The following PRH1 variants were observed in gnomAD, a reference collection of about 807,000 sequenced individuals.
PRH1 encodes salivary acidic proline-rich phosphoprotein 1/2.
PRH1 carries 7 observed loss-of-function variants against 7.9 expected under a neutral mutation model. The ratio of observed to expected loss-of-function variants is 0.89; its 90% CI spans 0.50 to 1.67. The LOEUF (loss-of-function observed/expected upper bound fraction) is 1.67. Ranked by LOEUF, PRH1 falls within the 40% of genes most tolerant of loss-of-function variation. PRH1 has a pLI of 0.00. For synonymous variants in PRH1, 45 were observed against 80.8 expected (o/e 0.56, Z 2.38); for missense variants, 109 against 223.6 (o/e 0.49, Z 3.27).
At chr12:11,043,196 C>T (rs193231594) in intron 1 of PRH1, among the ~76,000 whole-genome samples, 1 of 152,018 alleles carries the variant, frequency 6.6e-6, no homozygotes, top group Admixed American at 6.6e-5. Context: ...GGACAAGAAC[C>T]ATATGATCAT....
intron 2 of PRH1, among the ~76,000 whole-genome samples, chr12:10,933,529 C>T (rs569337495): frequency 1.3e-5 from 2 of 151,846 alleles, no homozygotes; most frequent in East Asian, 1.9e-4. Context: ...AGTTAAATGA[C>T]CAAGCAGACT....
intron 1 of PRH1, among the ~76,000 whole-genome samples, chr12:11,099,072 T>A (rs1348983028): frequency 6.6e-6 from 1 of 152,176 alleles, no homozygotes; most frequent in Non-Finnish European, 1.5e-5. Context: ...AGCCATTTTA[T>A]AAGAATTCCT....
rs189877773 is a variant in PRH1 at position 11,147,181 on chromosome 12, T to C, written n.39+24241A>G. 4.1e-3 allele frequency among the ~76,000 whole-genome samples: 622 copies of C among 152,332 alleles called. 5 individuals are homozygous for C. The highest frequency in any genetic ancestry group is 0.017 in the Middle Eastern group (5 of 294). ...ATAATACTCAGTTTATCTATGAACA[T>C]GATACATCTCTTCATGTATTGTTTT... On this transcript the variant is annotated intron_variant and non_coding_transcript_variant, in intron 1 of 1. Transcript: ENST00000541175.
In PRH1 at chr12:11,086,845, G is replaced by C. The variant is rs371766942; in HGVS notation, n.124-39657C>G. On this transcript the variant is annotated intron_variant and non_coding_transcript_variant, in intron 1 of 4. Coordinates refer to the PRH1 transcript ENST00000541977. Reference sequence around the variant, plus strand: ...AGAAAAATCATTGGAACCCAGGAGTGGGGGGTTGTAGTTAGTTGAGATCAT... The same window carrying C: ...AGAAAAATCATTGGAACCCAGGAGTCGGGGGTTGTAGTTAGTTGAGATCAT... 4.5e-5 allele frequency among the ~76,000 whole-genome samples: 5 copies of C among 111,172 alleles called. 1 individual carries two copies. Among genetic ancestry groups the C allele is most frequent in the Non-Finnish European group, 1.1e-4 (5 of 47,220 alleles). 72.9% of individuals were successfully genotyped at this position (111,172 alleles called of 152,430 possible). A position where few individuals can be genotyped will look rare whatever the true frequency, so the allele number is the denominator to read the frequency against.
rs1439365435 is a variant in PRH1 at position 11,107,062 on chromosome 12, T to G, written n.124-59874A>C. 4.6e-5 allele frequency among the ~76,000 whole-genome samples: 7 copies of G among 152,108 alleles called. No individual in the cohort carries two copies. In the South Asian group the frequency reaches 8.3e-4, roughly 18 times the overall value. On this transcript the variant is annotated intron_variant and non_coding_transcript_variant, in intron 1 of 4. Transcript: ENST00000541977. ...GTCTTACTCGTCACCCAGGCTGGAG[T>G]GCAATGGCTTGATCACAGCTCACTC...
chr12:11,138,648 G>A (rs1334991966), intron 1 of PRH1, among the ~76,000 whole-genome samples: 2 of 152,146 alleles, frequency 1.3e-5, no homozygotes, highest in South Asian at 4.1e-4. Context: ...AAGGTGTCTA[G>A]CAATCATAAA....
intron 2 of PRH1, among the ~76,000 whole-genome samples, chr12:10,893,229 C>T (rs1949600820): frequency 6.6e-6 from 1 of 152,126 alleles, no homozygotes; most frequent in Non-Finnish European, 1.5e-5. Flanking sequence ...CAGAGTGTGT[C>T]AGTTCAATTT....
intron 1 of PRH1, among the ~76,000 whole-genome samples, chr12:10,991,882 T>G (rs1939953221): frequency 6.6e-6 from 1 of 152,170 alleles, no homozygotes; most frequent in Non-Finnish European, 1.5e-5. Flanking sequence ...GCATGCAACA[T>G]GAAAACTAAC....
At chr12:10,919,377 A>C (rs1183197738) in intron 2 of PRH1, among the ~76,000 whole-genome samples, 4 of 152,184 alleles carry the variant, frequency 2.6e-5, no homozygotes, top group African/African-American at 9.6e-5. Context: ...AGGACATGAA[A>C]GGTGAGAGGA....
chr12:10,980,614 T>C (rs1439936659), intron 1 of PRH1, among the ~76,000 whole-genome samples: 1 of 152,134 alleles, frequency 6.6e-6, no homozygotes, highest in Non-Finnish European at 1.5e-5. Context: ...TATTCCTCTC[T>C]ATTGAACCAT....
chr12:11,133,124 C>CAG (rs1555171862), intron 1 of PRH1: 8 of 787,460 alleles, frequency 1.0e-5, no homozygotes, highest in Non-Finnish European at 1.4e-5. Flanking sequence ...TTTTCATACA[C>CAG]ACACACACAC....
intron 2 of PRH1, among the ~76,000 whole-genome samples, chr12:10,935,812 T>C (rs985396835): frequency 2.0e-5 from 3 of 152,170 alleles, no homozygotes; most frequent in African/African-American, 4.8e-5. Context: ...TAATGTTGTC[T>C]ATATGATCCT....
chr12:10,953,341 A>G (rs2135918142), intron 2 of PRH1, among the ~76,000 whole-genome samples: 1 of 152,336 alleles, frequency 6.6e-6, no homozygotes, highest in South Asian at 2.1e-4. Context: ...AAGTCAAAAC[A>G]CAATCCAAAG....
intron 2 of PRH1, among the ~76,000 whole-genome samples, chr12:10,937,211 TC>T (rs879344919): frequency 7.3e-6 from 1 of 136,828 alleles, no homozygotes; most frequent in Non-Finnish European, 1.5e-5. Context: ...TATTTCTCTC[TC>T]TCTCTCTCTC....
At chr12:10,947,846 T>C (rs551602462) in intron 2 of PRH1, among the ~76,000 whole-genome samples, 1 of 152,294 alleles carries the variant, frequency 6.6e-6, no homozygotes, top group Non-Finnish European at 1.5e-5. Context: ...CCCTCAACAT[T>C]TGCTTACCTG....
At chr12:10,917,294 ATT>A (rs375014019) in intron 2 of PRH1, among the ~76,000 whole-genome samples, 5 of 150,714 alleles carry the variant, frequency 3.3e-5, no homozygotes, top group African/African-American at 1.2e-4. Flanking sequence ...TAATTTTATA[ATT>A]TTTTTTATTT....
At chr12:10,978,222 T>C (rs905434294) in intron 1 of PRH1, among the ~76,000 whole-genome samples, 1 of 151,880 alleles carries the variant, frequency 6.6e-6, no homozygotes, top group Non-Finnish European at 1.5e-5. Flanking sequence ...AACAGGCACA[T>C]AGACCAAGGA....
At chr12:10,904,254 A>T (rs1048072430) in intron 2 of PRH1, among the ~76,000 whole-genome samples, 1 of 152,118 alleles carries the variant, frequency 6.6e-6, no homozygotes, top group Admixed American at 6.5e-5. Flanking sequence ...AGCCAGAGGA[A>T]TCACATTACC....
intron 1 of PRH1, among the ~76,000 whole-genome samples, chr12:11,028,077 C>G: frequency 6.6e-6 from 1 of 152,166 alleles, no homozygotes; most frequent in East Asian, 1.9e-4. Flanking sequence ...GTCCAATTCC[C>G]CTGGCCAGCA....
Sources: allele counts gnomAD v4.1 joint callset (sites outside exome capture counted in the v4.1 genomes callset), GRCh38; gene constraint gnomAD v4.1.1; transcripts MANE v1.5; gene names NCBI Gene and HGNC (gene_info 2026-07-23, HGNC 2026-07-21).